Variants in TRRAP observed in about 807,000 individuals in gnomAD.
TRRAP encodes the protein transformation/transcription domain associated protein.
In TRRAP, 41 loss-of-function variants were observed where a neutral mutation model predicts 438.8. That is an observed-to-expected ratio of 0.09 (90% CI 0.07 to 0.12). TRRAP has a LOEUF of 0.12. Among genes scored for constraint, TRRAP ranks in the 10% least tolerant of loss-of-function variants. TRRAP has a pLI of 1.00. For missense variants in TRRAP, 3,122 were observed against 5,055.1 expected, an observed-to-expected ratio of 0.62 and a Z score of 11.60; for synonymous variants, 1,994 against 1,962.9, an observed-to-expected ratio of 1.02 and a Z score of -0.42.
chr7:98,995,205 G>C (rs532838240), intron 67 of TRRAP, among the ~76,000 whole-genome samples: 1 of 152,280 alleles, frequency 6.6e-6, no homozygotes, highest in East Asian at 1.9e-4. Flanking sequence ...GTGTGAACCA[G>C]TAGGAGACAG....
chr7:98,970,002 G>T (rs898095128), intron 51 of TRRAP, 110 bp from the exon 52 acceptor site: 1 of 1,334,310 alleles, frequency 7.5e-7, no homozygotes, highest in Non-Finnish European at 1.0e-6. Flanking sequence ...CTCATACTTG[G>T]ACCTGCAGAG....
Position 98,962,283 on chromosome 7 carries a change from G to A in TRRAP, c.6704-19G>A. The A allele has an allele frequency of 5.0e-6, 8 of 1,613,962 alleles. No individual in the cohort carries two copies. The highest frequency in any genetic ancestry group is 6.8e-6 in the Non-Finnish European group (8 of 1,179,912). On this transcript the variant is annotated intron_variant, in intron 46 of 72. Transcript: ENST00000456197. ...CCAAGAGCCATAACCACAGTGCCTG[G>A]GTCCCTGCCCTGTTGTAGGTACTTC...
chr7:98,893,956 C>G (rs1796085247), intron 6 of TRRAP, 75 bp downstream of exon 6: 1 of 1,423,018 alleles, frequency 7.0e-7, no homozygotes, highest in African/African-American at 1.4e-5. Flanking sequence ...TTTGCTGTCT[C>G]AAAGTTGGCT....
At chr7:98,914,094 A>G (rs1252895342) in intron 18 of TRRAP, among the ~76,000 whole-genome samples, 1 of 152,204 alleles carries the variant, frequency 6.6e-6, no homozygotes, top group Non-Finnish European at 1.5e-5. Context: ...GTGTTAATAT[A>G]GGAGAGTACT....
At position 98,948,381 on chromosome 7, in the gene TRRAP, T is replaced by A; in HGVS notation, c.4668+41T>A. The A allele has an allele frequency of 6.2e-7, 1 of 1,613,554 alleles. No individual in the cohort carries two copies. Among genetic ancestry groups the A allele is most frequent in the Non-Finnish European group, 8.5e-7 (1 of 1,179,800 alleles). ...AAGGCTGCTTCTCGCTCTGCCACCC[T>A]CCGGTGCTTATAGCGTCCTCACTTG... On this transcript the variant is annotated intron_variant, in intron 34 of 72. Coordinates refer to ENST00000456197, the MANE Select transcript of TRRAP (RefSeq NM_001375524.1). This position sits in a 1 kb window ranked among gnomAD's most constrained non-coding sequence, Gnocchi z 4.9.
intron 12 of TRRAP, among the ~76,000 whole-genome samples, chr7:98,903,826 C>G (rs185156892): frequency 2.6e-5 from 4 of 152,240 alleles, no homozygotes; most frequent in Admixed American, 2.6e-4. Flanking sequence ...ACGAGCAAGT[C>G]ACATCTTACG....
rs782112743 is a variant in TRRAP, at chr7:98,937,210, C to T, written c.4166C>T (p.Ala1389Val). The part of the protein sequence containing the change: ...LPQSREKIIA[A>V]LFKALNSTNS... ...CAGTCCAGGGAGAAAATCATCGCTG[C>T]ACTCTTCAAAGCCCTGAATTCCACC... The change falls in exon 29 of 73, where the codon GCA (alanine) becomes GTA (valine). Residue 1389 changes from alanine (A) to valine (V), a missense_variant. Ala to Val is a moderately conservative substitution (Grantham distance 64). Coordinates refer to ENST00000456197, the MANE Select transcript of TRRAP (RefSeq NM_001375524.1). The T allele has an allele frequency of 1.2e-6, 2 of 1,613,780 alleles. No homozygotes were observed. Among genetic ancestry groups the T allele is most frequent in the Non-Finnish European group, 1.7e-6 (2 of 1,179,742 alleles).
rs1794479998 is a variant in TRRAP, at chr7:99,012,691, CG to C, written c.*338del. 1 of 329,972 alleles carries C rather than the reference CG, an allele frequency of 3.0e-6. No individual in the cohort carries two copies. The highest frequency in any genetic ancestry group is 4.6e-5 in the Admixed American group (1 of 21,528). The allele number at this position is 329,972 out of a possible 1,614,324, so 20.4% of individuals were successfully genotyped here. A position where few individuals can be genotyped will look rare whatever the true frequency, so the allele number is the denominator to read the frequency against. On this transcript the variant is annotated 3_prime_UTR_variant, in exon 73 of 73. Coordinates refer to ENST00000456197, the MANE Select transcript of TRRAP (RefSeq NM_001375524.1). This position sits in a 1 kb window ranked among gnomAD's most constrained non-coding sequence, Gnocchi z 5.9. Reference sequence around the variant, plus strand: ...TGTCCTCCCTCTGTGAATGTACAGGCGGAACTGTACGAACAGCTCCCTTCCA... The same window carrying C: ...TGTCCTCCCTCTGTGAATGTACAGGCGAACTGTACGAACAGCTCCCTTCCA...
intron 3 of TRRAP, among the ~76,000 whole-genome samples, chr7:98,889,523 T>C (rs1717911942): frequency 2.7e-5 from 4 of 147,138 alleles, no homozygotes; most frequent in African/African-American, 1.0e-4. Flanking sequence ...TGCTGTAGTT[T>C]TATTTCCTAT....
chr7:98,920,479 A>AG (rs1430550511), intron 20 of TRRAP, among the ~76,000 whole-genome samples: 4 of 152,128 alleles, frequency 2.6e-5, no homozygotes, highest in Non-Finnish European at 5.9e-5. Context: ...CCAAAAAAAA[A>AG]AAAAAGAAAA....
At position 98,970,093 on chromosome 7, in the gene TRRAP, C is replaced by T. The variant is rs904834653; in HGVS notation, c.7513-19C>T. The T allele has an allele frequency of 6.2e-7, 1 of 1,612,258 alleles. No individual in the cohort carries two copies. Among genetic ancestry groups the T allele is most frequent in the African/African-American group, 1.3e-5 (1 of 74,862 alleles). On this transcript the variant is annotated intron_variant, in intron 51 of 72. Transcript: ENST00000456197. ...CACGCGCATGCCTTGGGTCTGTCTC[C>T]TTTCCGCACCCCTTGCAGCTGCTTC...
intron 29 of TRRAP, 112 bp from the exon 30 acceptor site, chr7:98,937,538 C>T: frequency 1.7e-6 from 2 of 1,211,904 alleles, no homozygotes; most frequent in Non-Finnish European, 2.2e-6. Flanking sequence ...ATTAATATTC[C>T]ATCTTCCTAA....
At position 98,956,586 on chromosome 7, in the gene TRRAP, C is replaced by T. The variant is rs540985801; in HGVS notation, c.6231+53C>T. The T allele has an allele frequency of 9.5e-6, 15 of 1,575,580 alleles. No homozygotes were observed. The South Asian group carries it at 1.7e-4, about 17-fold the overall frequency. The stretch of plus-strand genomic sequence containing the variant: ...CTGCGCATTCTGCTGGGAGTTGGTT[C>T]GTTTATTCCCTATATTTAGAATGTG... On this transcript the variant is annotated intron_variant, in intron 43 of 72. Coordinates refer to ENST00000456197, the MANE Select transcript of TRRAP (RefSeq NM_001375524.1). This position sits in a 1 kb window ranked among gnomAD's most constrained non-coding sequence, Gnocchi z 4.5.
intron 67 of TRRAP, 142 bp from the exon 68 acceptor site, chr7:99,004,048 G>A (rs1794058239): frequency 1.2e-6 from 1 of 840,898 alleles, no homozygotes; most frequent in South Asian, 1.8e-5. Context: ...ACTCCAGCCA[G>A]GGCAACAAGA....
chr7:99,002,324 A>G (rs1209308723), intron 67 of TRRAP, among the ~76,000 whole-genome samples: 3 of 152,226 alleles, frequency 2.0e-5, no homozygotes, highest in African/African-American at 7.2e-5. Flanking sequence ...TCAGCTCTTC[A>G]GCTCTTTGGA....
At chr7:98,966,950 A>C (rs775418286) in intron 49 of TRRAP, 91 bp from the exon 50 acceptor site, 6 of 1,381,860 alleles carry the variant, frequency 4.3e-6, no homozygotes, top group Non-Finnish European at 5.9e-6. Context: ...ACCTTGTCTT[A>C]TTGTGCTTGA....
intron 8 of TRRAP, 79 bp downstream of exon 8, chr7:98,897,945 C>A: frequency 1.3e-6 from 2 of 1,590,414 alleles, no homozygotes; most frequent in South Asian, 2.2e-5. Context: ...TTTTTTTTCT[C>A]TTAAATACTT....
Position 98,949,927 on chromosome 7 carries a change from G to A in TRRAP, c.5135+86G>A, listed in dbSNP as rs185665348. The A allele has an allele frequency of 5.5e-5, 86 of 1,570,734 alleles. No homozygotes were observed. In the East Asian group the frequency reaches 1.9e-3, roughly 35 times the overall value. ...GCCTCCTTCTACTCTGTACAAGGCT[G>A]TGGTCATTGGATGCGTGCAGTCAGA... On this transcript the variant is annotated intron_variant, in intron 37 of 72. Transcript: ENST00000456197.
Position 98,911,225 on chromosome 7 carries a change from C to G in TRRAP, c.1961C>G (p.Thr654Arg). 6.2e-7 allele frequency: 1 copy of G among 1,614,068 alleles called. No individual in the cohort carries two copies. The highest frequency in any genetic ancestry group is 8.5e-7 in the Non-Finnish European group (1 of 1,179,976). ...ACGTTCAAAGAAATCTTCCAAACTA[C>G]GGTCCCTTATATGGTGGAGAGAATC... ...PLTFKEIFQT[T>R]VPYMVERISK... Residue 654 changes from threonine to arginine, a missense_variant, in exon 17 of 73, where the codon ACG becomes AGG. Physicochemically the swap from Thr to Arg is moderately conservative, Grantham distance 71 (BLOSUM62 -1). Coordinates refer to ENST00000456197, the MANE Select transcript of TRRAP (RefSeq NM_001375524.1).
Sources: allele counts gnomAD v4.1 joint callset (sites outside exome capture counted in the v4.1 genomes callset), GRCh38; gene constraint gnomAD v4.1.1; non-coding constraint Gnocchi (gnomAD v3.1); transcripts MANE v1.5; gene names NCBI Gene and HGNC (gene_info 2026-07-23, HGNC 2026-07-21).